The following CEP162 variants were observed in gnomAD, a reference collection of about 807,000 sequenced individuals.
CEP162 encodes centrosomal protein of 162 kDa.
In CEP162, 141 loss-of-function variants were observed where a neutral mutation model predicts 169.2. The ratio of observed to expected loss-of-function variants is 0.83; its 90% CI spans 0.73 to 0.96. The LOEUF is 0.96. Among genes scored for constraint, CEP162 ranks in the 40% least tolerant of loss-of-function variants. CEP162 has a pLI of 0.00. For missense variants in CEP162, 1,600 were observed against 1,587.2 expected (o/e 1.01, Z -0.14); for synonymous variants, 540 against 526.4 (o/e 1.03, Z -0.35).
chr6:84,226,931 G>A (rs6912434), intron 1 of CEP162, among the ~76,000 whole-genome samples: 9,912 of 152,202 alleles, frequency 0.065, 1,111 homozygotes, highest in African/African-American at 0.23. Flanking sequence ...TCGTAAAGCA[G>A]ACTGTATCCA....
intron 10 of CEP162, among the ~76,000 whole-genome samples, chr6:84,194,363 A>C (rs548462270): frequency 1.4e-5 from 2 of 144,036 alleles, no homozygotes; most frequent in East Asian, 4.0e-4. Context: ...TCAAAAAAAA[A>C]AAAAGAAAAG....
chr6:84,223,673 G>A (rs958911004), intron 2 of CEP162, among the ~76,000 whole-genome samples: 21 of 151,924 alleles, frequency 1.4e-4, no homozygotes, highest in South Asian at 6.2e-4. Flanking sequence ...TTGAGAGGCC[G>A]AGGCAGGCGG....
At position 84,215,423 on chromosome 6, in the gene CEP162, C is replaced by T; in HGVS notation, c.362G>A (p.Gly121Glu). The change falls in exon 5 of 27, where the codon GGA becomes GAA. Residue 121 changes from glycine to glutamate, a missense_variant. Physicochemically the swap from Gly to Glu is moderately conservative, Grantham distance 98. Coordinates refer to ENST00000403245, the MANE Select transcript of CEP162 (RefSeq NM_014895.4). ...SELNHSSLGV[G>E]LDTLEEQEEK... Reference sequence around the variant, plus strand: ...CTCTTGTTCTTCTAATGTGTCCAATCCCACTCCGAGACTACTATGGTTGAG... The same window carrying T: ...CTCTTGTTCTTCTAATGTGTCCAATTCCACTCCGAGACTACTATGGTTGAG... The T allele has an allele frequency of 6.2e-7, 1 of 1,609,222 alleles. No individual in the cohort carries two copies. Among genetic ancestry groups the T allele is most frequent in the Non-Finnish European group, 8.5e-7 (1 of 1,177,708 alleles).
At chr6:84,159,091 A>G (rs1057082422) in intron 21 of CEP162, among the ~76,000 whole-genome samples, 73 of 151,712 alleles carry the variant, frequency 4.8e-4, no homozygotes, top group African/African-American at 1.7e-3. Flanking sequence ...GAATAGACTA[A>G]TTATAATTAT....
chr6:84,185,196 T>C lies in CEP162; in HGVS notation c.1654A>G (p.Arg552Gly), dbSNP rs747324801. The change falls in exon 13 of 27, where the codon AGG becomes GGG. Residue 552 changes from arginine (R) to glycine (G), a missense_variant. Arg to Gly is a moderately radical substitution (Grantham distance 125). Transcript: ENST00000403245. ...AAGAGTATATGATTACCTTTTTTCCTAGGTTGATTGGAGGTAGAAATCGAT... is the reference window on the plus strand; with the variant it reads ...AAGAGTATATGATTACCTTTTTTCCCAGGTTGATTGGAGGTAGAAATCGAT... ...LRSISTSNQP[R>G]KKEILSGTKL... is the part of the protein sequence containing the mutation. The C allele has an allele frequency of 6.2e-7, 1 of 1,610,344 alleles. No individual in the cohort carries two copies. The highest frequency in any genetic ancestry group is 2.2e-5 in the East Asian group (1 of 44,854).
In CEP162 at chr6:84,175,233, G is replaced by T; in HGVS notation, c.1778C>A (p.Ser593Tyr). 6.5e-7 allele frequency: 1 copy of T among 1,537,894 alleles called. No individual in the cohort carries two copies. Among genetic ancestry groups the T allele is most frequent in the Non-Finnish European group, 8.8e-7 (1 of 1,138,854 alleles). Residue 593 changes from serine (S) to tyrosine (Y), a missense_variant, in exon 14 of 27, where the codon TCC becomes TAC. Ser to Tyr is a moderately radical substitution (Grantham distance 144). Transcript: ENST00000403245. ...KKSENPTETD[S>Y]CIQFQTDSLG... ...ACCTACAGTCTGAAACTGAATACAG[G>T]AATCAGTTTCTGTGGGATTTTCAGA...
intron 19 of CEP162, 106 bp from the exon 20 acceptor site, chr6:84,162,015 A>G (rs2099525980): frequency 1.5e-6 from 1 of 676,236 alleles, no homozygotes; most frequent in South Asian, 2.0e-5. Flanking sequence ...TAATGACAGC[A>G]TTATGAAAAA....
At chr6:84,186,714 C>T (rs951624264) in intron 11 of CEP162, 91 bp from the exon 12 acceptor site, 2 of 1,019,410 alleles carry the variant, frequency 2.0e-6, no homozygotes, top group Non-Finnish European at 2.8e-6. Flanking sequence ...CACGCAGACA[C>T]ACTATATATT....
In CEP162 at chr6:84,152,661, T is replaced by C. The variant is rs745971907; in HGVS notation, c.3513A>G (p.Glu1171=). 1 of 1,610,216 alleles carries C rather than the reference T, an allele frequency of 6.2e-7. No individual in the cohort carries two copies. The highest frequency in any genetic ancestry group is 8.5e-7 in the Non-Finnish European group (1 of 1,178,086). ...TTAATCTGTAGTTTTCTTGTAAAAC[T>C]TCTGAAACATGGGAATCAGTGAAAG... ...PHTFTDSHVS[E]VLQENYRLKN... is the part of the protein sequence containing the mutation. The change falls in exon 23 of 27, where the codon GAA becomes GAG. Residue 1171 remains glutamate, a synonymous_variant. Coordinates refer to ENST00000403245, the MANE Select transcript of CEP162 (RefSeq NM_014895.4).
At chr6:84,218,793 A>T (rs900796208) in intron 3 of CEP162, among the ~76,000 whole-genome samples, 24 of 152,184 alleles carry the variant, frequency 1.6e-4, no homozygotes, top group African/African-American at 5.5e-4. Flanking sequence ...GTAAAAAATC[A>T]AGAGAGAGAT....
intron 6 of CEP162, among the ~76,000 whole-genome samples, chr6:84,204,814 A>T (rs536931145): frequency 6.6e-6 from 1 of 152,206 alleles, no homozygotes; most frequent in African/African-American, 2.4e-5. Flanking sequence ...AAGATCAACA[A>T]AATTGATAGA....
intron 2 of CEP162, among the ~76,000 whole-genome samples, chr6:84,226,117 T>A (rs2099555639): frequency 6.6e-6 from 1 of 151,006 alleles, no homozygotes; most frequent in African/African-American, 2.4e-5. Context: ...CTGACTGCAG[T>A]GTGGTGAAAG....
chr6:84,223,931 C>A (rs894148743), intron 2 of CEP162, among the ~76,000 whole-genome samples: 1 of 151,712 alleles, frequency 6.6e-6, no homozygotes, highest in East Asian at 1.9e-4. Context: ...GAAATTGGAA[C>A]TCTGATAAAC....
chr6:84,139,291 A>G (rs2099515506), intron 25 of CEP162, among the ~76,000 whole-genome samples: 1 of 152,186 alleles, frequency 6.6e-6, no homozygotes, highest in South Asian at 2.1e-4. Context: ...TGTAGCCTAA[A>G]AACGACTTTC....
chr6:84,133,285 C>A (rs2099512388), intron 25 of CEP162, among the ~76,000 whole-genome samples: 1 of 152,176 alleles, frequency 6.6e-6, no homozygotes, highest in Non-Finnish European at 1.5e-5. Context: ...GGAGGTGTCT[C>A]CCAGTTAGGC....
intron 24 of CEP162, among the ~76,000 whole-genome samples, chr6:84,148,877 T>TA (rs1443286915): frequency 6.6e-6 from 1 of 152,114 alleles, no homozygotes; most frequent in East Asian, 1.9e-4. Context: ...AGATTGTAGA[T>TA]AAAAGTCCTA....
At chr6:84,182,942 C>T (rs894377690) in intron 13 of CEP162, among the ~76,000 whole-genome samples, 1 of 152,100 alleles carries the variant, frequency 6.6e-6, no homozygotes, top group Non-Finnish European at 1.5e-5. Flanking sequence ...TCAAACTCTG[C>T]TTCTTGGAGA....
At chr6:84,134,943 C>G (rs2099513337) in intron 25 of CEP162, among the ~76,000 whole-genome samples, 1 of 151,214 alleles carries the variant, frequency 6.6e-6, no homozygotes, top group Non-Finnish European at 1.5e-5. Context: ...CACACACACA[C>G]ACACACACAC....
chr6:84,134,553 C>T (rs1038515441), intron 25 of CEP162, among the ~76,000 whole-genome samples: 6 of 152,132 alleles, frequency 3.9e-5, no homozygotes, highest in East Asian at 3.9e-4. Flanking sequence ...TGGAGTGCAC[C>T]GTTCCTCATG....
Sources: gnomAD v4.1 joint callset for allele counts (sites outside exome capture counted in the v4.1 genomes callset) on GRCh38, gnomAD v4.1.1 for gene constraint, MANE v1.5 for transcripts, NCBI Gene and HGNC (gene_info 2026-07-23, HGNC 2026-07-21) for gene names.